Variants in PGPEP1 observed in about 807,000 individuals in gnomAD.
The protein encoded by PGPEP1 is pyroglutamyl-peptidase 1.
A neutral mutation model predicts 24.1 loss-of-function variants in PGPEP1; 15 were observed. That is an observed-to-expected ratio of 0.62 (90% CI 0.42 to 0.96). The LOEUF (loss-of-function observed/expected upper bound fraction) is 0.96. PGPEP1 is among the 40% of genes least tolerant of loss of function. The pLI, the probability that PGPEP1 is intolerant of heterozygous loss-of-function variation, is 0.00. For missense variants in PGPEP1, 242 were observed against 273.4 expected, an observed-to-expected ratio of 0.89 and a Z score of 0.81; for synonymous variants, 122 against 116.4, an observed-to-expected ratio of 1.05 and a Z score of -0.31.
chr19:18,352,430 C>CA (rs368742529), intron 2 of PGPEP1, among the ~76,000 whole-genome samples: 12,777 of 137,542 alleles, frequency 0.093, 1,822 homozygotes, highest in African/African-American at 0.31. Flanking sequence ...TAATCCATCT[C>CA]AAAAAAAAAA....
chr19:18,342,812 G>T, intron 1 of PGPEP1, 47 bp from the exon 2 acceptor site: 1 of 1,487,686 alleles, frequency 6.7e-7, no homozygotes, highest in Non-Finnish European at 9.4e-7. Flanking sequence ...GGGGCAGACT[G>T]GGAAGGGCCA....
chr19:18,357,933 A>G, intron 4 of PGPEP1: 1 of 374,870 alleles, frequency 2.7e-6, no homozygotes, highest in South Asian at 3.0e-5. Context: ...TTCTGTGTTA[A>G]TTTCCTGGAG....
intron 2 of PGPEP1, among the ~76,000 whole-genome samples, chr19:18,349,277 GTTCAAGTGA>G (rs1970951480): frequency 6.6e-6 from 1 of 152,106 alleles, no homozygotes; most frequent in Non-Finnish European, 1.5e-5. Flanking sequence ...CACCTCCCGG[GTTCAAGTGA>G]TTCTCATGCC....
chr19:18,356,149 C>T, intron 3 of PGPEP1, 138 bp downstream of exon 3: 1 of 634,206 alleles, frequency 1.6e-6, no homozygotes, highest in Non-Finnish European at 2.9e-6. Flanking sequence ...AAGGGCTTTT[C>T]AGGCCGGGCA....
At chr19:18,355,395 A>G (rs8101797) in intron 2 of PGPEP1, among the ~76,000 whole-genome samples, 13,322 of 151,838 alleles carry the variant, frequency 0.088, 1,927 homozygotes, top group African/African-American at 0.3. Flanking sequence ...TAAGTAGCTG[A>G]GATTACAGGT....
chr19:18,363,617 T>A lies in PGPEP1; in HGVS notation c.*34T>A. The A allele has an allele frequency of 6.4e-7, 1 of 1,558,758 alleles. No homozygotes were observed. The highest frequency in any genetic ancestry group is 8.8e-7 in the Non-Finnish European group (1 of 1,137,998). Reference sequence around the variant, plus strand: ...CAGGTCTCCTAAGACCTCATCCTGCTGGGGACCCCACGAGGGGACATCCAC... The same window carrying A: ...CAGGTCTCCTAAGACCTCATCCTGCAGGGGACCCCACGAGGGGACATCCAC... On this transcript the variant is annotated 3_prime_UTR_variant, in exon 5 of 5. Transcript: ENST00000269919.
chr19:18,350,746 T>C (rs1409974880), intron 2 of PGPEP1, among the ~76,000 whole-genome samples: 1 of 152,172 alleles, frequency 6.6e-6, no homozygotes, highest in East Asian at 1.9e-4. Flanking sequence ...GACTGCTGAG[T>C]GGAGCAAACA....
In PGPEP1 at chr19:18,364,115, G is replaced by GCTTTCTTTCTTTCTTT. The variant is rs1383750965; in HGVS notation, c.*547_*548insTCTTTCTTTCTTTCTT. On this transcript the variant is annotated 3_prime_UTR_variant, in exon 5 of 5. Coordinates refer to ENST00000269919, the MANE Select transcript of PGPEP1 (RefSeq NM_017712.4). Reference sequence around the variant, plus strand: ...TTCTTTCTTTCTTTCTTTCTTTCTTGCTTTCTTTCTTTCTTGCTTTCTTTC... The same window carrying GCTTTCTTTCTTTCTTT: ...TTCTTTCTTTCTTTCTTTCTTTCTTGCTTTCTTTCTTTCTTTCTTTCTTTCTTTCTTGCTTTCTTTC... 1 of 69,752 alleles carries GCTTTCTTTCTTTCTTT rather than the reference G, an allele frequency of 1.4e-5. No individual in the cohort carries two copies. The highest frequency in any genetic ancestry group is 2.7e-5 in the Non-Finnish European group (1 of 37,030). The allele number at this position is 69,752 out of a possible 1,614,324, so 4.3% of individuals were successfully genotyped here.
At chr19:18,343,936 G>A (rs1280122973) in intron 2 of PGPEP1, among the ~76,000 whole-genome samples, 5 of 151,584 alleles carry the variant, frequency 3.3e-5, no homozygotes, top group Admixed American at 1.3e-4. Context: ...CACCCACCTC[G>A]GCCTCCCAAA....
At position 18,349,686 on chromosome 19, in the gene PGPEP1, G is replaced by A. The variant is rs550090401; in HGVS notation, c.88-6209G>A. ...TTTTTTGCATAGAAGTCTCCCTCCC[G>A]TCCCCATCGCCGCTCCCATTCCTTC... On this transcript the variant is annotated intron_variant, in intron 2 of 4. Transcript: ENST00000269919. 6.6e-5 allele frequency among the ~76,000 whole-genome samples: 10 copies of A among 152,204 alleles called. No homozygotes were observed. In the South Asian group the frequency reaches 1.5e-3, roughly 22 times the overall value.
chr19:18,368,052 G>C lies in PGPEP1; in HGVS notation c.*4469G>C, dbSNP rs1275316193. On this transcript the variant is annotated 3_prime_UTR_variant, in exon 5 of 5. Transcript: ENST00000269919. ...GGAGGCTGAGTTGGGAGGCTTATCT[G>C]AGCCCAGGAGGTGAAGGCTGCAATG... 1 of 151,920 alleles carries C rather than the reference G, an allele frequency of 6.6e-6. No individual in the cohort carries two copies. Among genetic ancestry groups the C allele is most frequent in the Non-Finnish European group, 1.5e-5 (1 of 68,050 alleles). 9.4% of individuals were successfully genotyped at this position (151,920 alleles called of 1,614,324 possible).
rs59936417 is a variant in PGPEP1, at chr19:18,347,270, CTTTT to C, written c.87+4374_87+4377del. Reference sequence around the variant, plus strand: ...CTAATTTTTTTTTCTTTCTTTCTTTCTTTTTTTTTTTTTTTTTTGTAGAGATGGG... The same window carrying C: ...CTAATTTTTTTTTCTTTCTTTCTTTCTTTTTTTTTTTTTTGTAGAGATGGG... On this transcript the variant is annotated intron_variant, in intron 2 of 4. Coordinates refer to ENST00000269919, the MANE Select transcript of PGPEP1 (RefSeq NM_017712.4). Among the ~76,000 whole-genome samples, 47 of 94,414 alleles carry C rather than the reference CTTTT, an allele frequency of 5.0e-4. 1 individual carries two copies. The highest frequency in any genetic ancestry group is 1.8e-3 in the African/African-American group (45 of 24,758). The allele number at this position is 94,414 out of a possible 152,430, so 61.9% of individuals were successfully genotyped here. A position where few individuals can be genotyped will look rare whatever the true frequency, so the allele number is the denominator to read the frequency against.
At chr19:18,348,013 G>T (rs75327192) in intron 2 of PGPEP1, among the ~76,000 whole-genome samples, 1 of 151,946 alleles carries the variant, frequency 6.6e-6, no homozygotes, top group East Asian at 1.9e-4. Context: ...TTTCCCACCC[G>T]CAGTGTTCAG....
chr19:18,346,883 G>A (rs1406017675), intron 2 of PGPEP1, among the ~76,000 whole-genome samples: 10 of 151,318 alleles, frequency 6.6e-5, no homozygotes, highest in African/African-American at 1.2e-4. Context: ...CAGGTGATTC[G>A]CCCACCTCGG....
chr19:18,342,956 C>T (rs764398235), intron 2 of PGPEP1, 45 bp downstream of exon 2: 30 of 1,475,772 alleles, frequency 2.0e-5, no homozygotes, highest in African/African-American at 2.8e-5. Flanking sequence ...GAGCTGGGCA[C>T]ACCCCAGAAA....
rs1445326308 is a variant in PGPEP1, at chr19:18,363,689, C to A, written c.*106C>A. 3 of 748,002 alleles carry A rather than the reference C, an allele frequency of 4.0e-6. No homozygotes were observed. The highest frequency in any genetic ancestry group is 1.7e-5 in the African/African-American group (1 of 57,246). The allele number at this position is 748,002 out of a possible 1,614,324, so 46.3% of individuals were successfully genotyped here. On this transcript the variant is annotated 3_prime_UTR_variant, in exon 5 of 5. Coordinates refer to ENST00000269919, the MANE Select transcript of PGPEP1 (RefSeq NM_017712.4). ...AAGACAAGCTCTTCAGCTTGGGGAT[C>A]CGATCTGGAAGAGAGATTCTGATCT...
intron 2 of PGPEP1, among the ~76,000 whole-genome samples, chr19:18,353,488 G>C (rs931433563): frequency 3.3e-5 from 5 of 152,138 alleles, no homozygotes; most frequent in African/African-American, 1.2e-4. Context: ...GGGATTACAG[G>C]CATGAGCCAC....
chr19:18,363,029 T>TTTTGTGTGTGTGTGTG (rs755622717), intron 4 of PGPEP1, among the ~76,000 whole-genome samples: 19 of 59,468 alleles, frequency 3.2e-4, no homozygotes, highest in African/African-American at 1.1e-3. Flanking sequence ...CAAGTTTTTT[T>TTTTGTGTGTGTGTGTG]TGTTTGTGTG....
chr19:18,347,939 G>A (rs112198596), intron 2 of PGPEP1, among the ~76,000 whole-genome samples: 9,450 of 152,112 alleles, frequency 0.062, 1,010 homozygotes, highest in African/African-American at 0.21. Context: ...GCCTGTCTCC[G>A]TCTCTTCTGA....
Sources: allele counts gnomAD v4.1 joint callset (sites outside exome capture counted in the v4.1 genomes callset), GRCh38; gene constraint gnomAD v4.1.1; transcripts MANE v1.5; gene names NCBI Gene and HGNC (gene_info 2026-07-23, HGNC 2026-07-21).